The following PCDH7 variants were observed in gnomAD, a reference collection of about 807,000 sequenced individuals.
PCDH7 encodes the protein protocadherin-7.
In PCDH7, 17 loss-of-function variants were observed where a neutral mutation model predicts 58.9. The observed-to-expected ratio is 0.29, with a 90% CI of 0.20 to 0.43. The LOEUF is 0.43. PCDH7 is among the 20% of genes least tolerant of loss of function. PCDH7 has a pLI of 1.00. For synonymous variants in PCDH7, 664 were observed against 616.4 expected (o/e 1.08, Z -1.14); for missense variants, 1,274 against 1,441.0 (o/e 0.88, Z 1.88).
intron 1 of PCDH7, among the ~76,000 whole-genome samples, chr4:30,901,023 ACT>A (rs1444065853): frequency 1.3e-5 from 2 of 152,040 alleles, no homozygotes; most frequent in African/African-American, 4.8e-5. Flanking sequence ...AATAAATAAA[ACT>A]CTATTACTCA....
At chr4:30,984,185 C>A (rs924985000) in intron 3 of PCDH7, among the ~76,000 whole-genome samples, 7 of 151,810 alleles carry the variant, frequency 4.6e-5, no homozygotes, top group African/African-American at 1.7e-4. Context: ...AAAAGTGGGC[C>A]CAGAGGAGGG....
chr4:30,956,789 G>A (rs1747900813), intron 3 of PCDH7, among the ~76,000 whole-genome samples: 1 of 152,122 alleles, frequency 6.6e-6, no homozygotes, highest in Admixed American at 6.5e-5. Flanking sequence ...TACTGTAGTA[G>A]TTTGCTGAAA....
At chr4:30,965,135 G>A (rs1748883870) in intron 3 of PCDH7, among the ~76,000 whole-genome samples, 1 of 152,100 alleles carries the variant, frequency 6.6e-6, no homozygotes, top group Non-Finnish European at 1.5e-5. Flanking sequence ...TGCAATTCTA[G>A]TGTAGTATAT....
At chr4:30,907,942 C>T (rs920929971) in intron 1 of PCDH7, among the ~76,000 whole-genome samples, 1 of 152,074 alleles carries the variant, frequency 6.6e-6, no homozygotes, top group African/African-American at 2.4e-5. Flanking sequence ...AGTTCATGTC[C>T]TTTGTGGGGA....
exon 2 of PCDH7, chr4:30,731,343 A>ATGTG (rs35139268): frequency 0.11 from 16,414 of 152,074 alleles, 1,227 homozygotes; most frequent in East Asian, 0.29. Flanking sequence ...GTTTCCATAT[A>ATGTG]TGTGTGTGTG....
intron 3 of PCDH7, among the ~76,000 whole-genome samples, chr4:31,122,721 A>T (rs1018644537): frequency 1.3e-5 from 2 of 151,918 alleles, no homozygotes; most frequent in Admixed American, 1.3e-4. Context: ...CCTTCTTTTA[A>T]TGTCCCTTTT....
intron 2 of PCDH7, among the ~76,000 whole-genome samples, chr4:30,933,581 G>T (rs1744956822): frequency 6.6e-6 from 1 of 151,874 alleles, no homozygotes. Flanking sequence ...TTCAATAATA[G>T]CTTTAGGCCT....
At chr4:30,992,181 T>C (rs927191588) in intron 3 of PCDH7, among the ~76,000 whole-genome samples, 3 of 152,234 alleles carry the variant, frequency 2.0e-5, no homozygotes, top group Admixed American at 1.3e-4. Context: ...GCTTGGCTTA[T>C]AGTGTTTGTT....
At chr4:30,986,670 TA>T (rs1750994513) in intron 3 of PCDH7, among the ~76,000 whole-genome samples, 1 of 152,090 alleles carries the variant, frequency 6.6e-6, no homozygotes, top group African/African-American at 2.4e-5. Flanking sequence ...TGTTTTATTA[TA>T]ATCAGAATCC....
chr4:30,846,659 C>G (rs756361632), intron 1 of PCDH7, among the ~76,000 whole-genome samples: 2 of 152,078 alleles, frequency 1.3e-5, no homozygotes, highest in Non-Finnish European at 2.9e-5. Flanking sequence ...TTGTGAGGAT[C>G]AAAAGTATTT....
chr4:30,839,365 G>A (rs900040935), intron 1 of PCDH7, among the ~76,000 whole-genome samples: 6 of 152,044 alleles, frequency 3.9e-5, no homozygotes, highest in Admixed American at 6.6e-5. Flanking sequence ...CAGAAGTAAC[G>A]ATAGTTTTTA....
intron 1 of PCDH7, among the ~76,000 whole-genome samples, chr4:30,868,387 C>A (rs1041544984): frequency 1.3e-5 from 2 of 152,068 alleles, no homozygotes; most frequent in African/African-American, 4.8e-5. Context: ...TTAAACATTA[C>A]GCTGCTGACT....
chr4:30,763,591 C>T (rs1720323906), intron 1 of PCDH7, among the ~76,000 whole-genome samples: 1 of 152,202 alleles, frequency 6.6e-6, no homozygotes, highest in South Asian at 2.1e-4. Context: ...GTATAGCTGT[C>T]TAGTCAGAAG....
chr4:30,765,032 T>G (rs1237894594), intron 1 of PCDH7, among the ~76,000 whole-genome samples: 3 of 151,856 alleles, frequency 2.0e-5, no homozygotes, highest in East Asian at 1.9e-4. Context: ...TCTTTTTTGT[T>G]TTATCTGTAT....
chr4:30,930,945 A>T (rs1232195205), intron 2 of PCDH7, among the ~76,000 whole-genome samples: 1 of 152,168 alleles, frequency 6.6e-6, no homozygotes, highest in African/African-American at 2.4e-5. Context: ...TCTCTAAAAA[A>T]AACAGAACAC....
chr4:30,945,928 A>G (rs1441110691), intron 2 of PCDH7, among the ~76,000 whole-genome samples: 6 of 152,120 alleles, frequency 3.9e-5, no homozygotes, highest in Non-Finnish European at 8.8e-5. Flanking sequence ...AACATTATGG[A>G]CATTATGATT....
intron 1 of PCDH7, among the ~76,000 whole-genome samples, chr4:30,748,797 C>T (rs137973445): frequency 4.5e-4 from 68 of 152,174 alleles, no homozygotes; most frequent in East Asian, 3.7e-3. Flanking sequence ...ATGATGCACC[C>T]GTCTTGGGAT....
intron 1 of PCDH7, among the ~76,000 whole-genome samples, chr4:30,910,777 A>G (rs1741630139): frequency 6.6e-6 from 1 of 152,188 alleles, no homozygotes; most frequent in African/African-American, 2.4e-5. Context: ...AGAACTAGAA[A>G]TACCATTTGA....
At chr4:30,808,600 C>CT (rs954858484) in intron 1 of PCDH7, among the ~76,000 whole-genome samples, 74 of 151,948 alleles carry the variant, frequency 4.9e-4, no homozygotes, top group African/African-American at 1.1e-3. Context: ...TAAGCAATTA[C>CT]TTTTTTTTGT....
Sources: allele counts gnomAD v4.1 joint callset (sites outside exome capture counted in the v4.1 genomes callset), GRCh38; gene constraint gnomAD v4.1.1; transcripts MANE v1.5; gene names NCBI Gene and HGNC (gene_info 2026-07-23, HGNC 2026-07-21).